SLC9A3: variants seen among roughly 807,000 people sequenced by gnomAD.
The protein encoded by SLC9A3 is solute carrier family 9 member A3, also known as sodium/hydrogen exchanger 3.
Under a neutral mutation model 86.8 loss-of-function variants are expected in SLC9A3, and 37 were observed. The ratio of observed to expected loss-of-function variants is 0.43; its 90% CI spans 0.33 to 0.56. The LOEUF (loss-of-function observed/expected upper bound fraction) is 0.56, where lower values mean the gene tolerates loss of function less well. Among genes scored for constraint, SLC9A3 ranks in the 20% least tolerant of loss-of-function variants. SLC9A3 has a pLI of 0.06. For synonymous variants in SLC9A3, 581 were observed against 528.3 expected (o/e 1.10, Z -1.37); for missense variants, 1,011 against 1,171.9 (o/e 0.86, Z 2.00).
chr5:498,005 G>C (rs1020960758), intron 1 of SLC9A3, among the ~76,000 whole-genome samples: 1 of 152,218 alleles, frequency 6.6e-6, no homozygotes, highest in African/African-American at 2.4e-5. Flanking sequence ...CACGGATGCC[G>C]GCCTCCTGCC....
At chr5:513,631 C>T (rs1030975582) in intron 1 of SLC9A3, among the ~76,000 whole-genome samples, 1 of 152,194 alleles carries the variant, frequency 6.6e-6, no homozygotes, top group African/African-American at 2.4e-5. Flanking sequence ...GAGACGGCCA[C>T]GTCTGACTTC....
rs1417703724 is a variant in SLC9A3, at chr5:472,058, C to T, written c.*1321G>A. 6.6e-6 allele frequency: 3 copies of T among 453,212 alleles called. No individual in the cohort carries two copies. The highest frequency in any genetic ancestry group is 6.9e-5 in the East Asian group (1 of 14,502). The allele number at this position is 453,212 out of a possible 1,614,324, so 28.1% of individuals were successfully genotyped here. A position where few individuals can be genotyped will look rare whatever the true frequency, so the allele number is the denominator to read the frequency against. On this transcript the variant is annotated 3_prime_UTR_variant, in exon 17 of 17. Transcript: ENST00000264938. ...GAGTGTCCACCTCCACCACTTCCACCGTGCAGGCAGGTTTCAGGTGGGTTG... is the reference window on the plus strand; with the variant it reads ...GAGTGTCCACCTCCACCACTTCCACTGTGCAGGCAGGTTTCAGGTGGGTTG...
chr5:509,930 C>T (rs1300508985), intron 1 of SLC9A3, among the ~76,000 whole-genome samples: 1 of 152,238 alleles, frequency 6.6e-6, no homozygotes, highest in Non-Finnish European at 1.5e-5. Flanking sequence ...CGGCGTTGTC[C>T]CTCCTGCAGT....
chr5:508,053 C>G (rs1036593310), intron 1 of SLC9A3, among the ~76,000 whole-genome samples: 1 of 152,238 alleles, frequency 6.6e-6, no homozygotes, highest in African/African-American at 2.4e-5. Flanking sequence ...GGCTCCAGTT[C>G]CCATTCGGCT....
rs1739241706 is a variant in SLC9A3 at position 482,302 on chromosome 5, C to G, written c.1357-145G>C. On this transcript the variant is annotated intron_variant, in intron 7 of 16. Coordinates refer to ENST00000264938, the MANE Select transcript of SLC9A3 (RefSeq NM_004174.4). ...GGGCACCCAGCAACCCGCGCCCCTG[C>G]TTTGCAGAGGAGGAAGCAGCACCCG... The G allele has an allele frequency of 4.3e-6, 3 of 703,920 alleles. No homozygotes were observed. In the South Asian group the frequency reaches 5.4e-5, roughly 13 times the overall value. The allele number at this position is 703,920 out of a possible 1,614,324, so 43.6% of individuals were successfully genotyped here.
chr5:477,979 G>C (rs1738867185), intron 10 of SLC9A3: 1 of 153,246 alleles, frequency 6.5e-6, no homozygotes, highest in East Asian at 1.9e-4. Context: ...GCATGAGGTT[G>C]TGCAGGAGCA....
At chr5:519,034 T>C (rs978475541) in intron 1 of SLC9A3, among the ~76,000 whole-genome samples, 2 of 152,178 alleles carry the variant, frequency 1.3e-5, no homozygotes, top group Non-Finnish European at 2.9e-5. Flanking sequence ...TGGATTGTTT[T>C]ATAGCCTACA....
At chr5:486,185 C>A (rs931906606) in intron 3 of SLC9A3, among the ~76,000 whole-genome samples, 1 of 41,570 alleles carries the variant, frequency 2.4e-5, no homozygotes, top group Non-Finnish European at 7.3e-5. Context: ...GCTGACCCCA[C>A]CCTTCCCTCC....
chr5:507,961 C>T (rs557788553), intron 1 of SLC9A3, among the ~76,000 whole-genome samples: 65 of 146,414 alleles, frequency 4.4e-4, no homozygotes, highest in African/African-American at 1.6e-3. Context: ...CGCCCGAATC[C>T]CCACCCCACA....
chr5:489,447 G>A (rs550835229), intron 2 of SLC9A3, among the ~76,000 whole-genome samples: 25 of 152,292 alleles, frequency 1.6e-4, no homozygotes, highest in Middle Eastern at 3.4e-3. Context: ...GGAGCCGGAC[G>A]GGCCCCAGGA....
Position 476,242 on chromosome 5 carries a change from T to G in SLC9A3, c.2027A>C (p.Lys676Thr), listed in dbSNP as rs749761483. The G allele has an allele frequency of 5.0e-6, 8 of 1,613,754 alleles. No homozygotes were observed. Among genetic ancestry groups the G allele is most frequent in the Non-Finnish European group, 6.8e-6 (8 of 1,179,968 alleles). ...CTCCCGCTTGTACAGCTTGGCCGCCTTCTTGTTCTGGTTGAGCCCCAGCTT... is the reference window on the plus strand; with the variant it reads ...CTCCCGCTTGTACAGCTTGGCCGCCGTCTTGTTCTGGTTGAGCCCCAGCTT... Reference protein sequence around the residue: ...STKLGLNQNKKAAKLYKRERA... With the variant: ...STKLGLNQNKTAAKLYKRERA... Residue 676 changes from lysine (K) to threonine (T), a missense_variant, in exon 13 of 17, where the codon AAG (lysine) becomes ACG (threonine). By Grantham distance (78) the Lys-to-Thr change is moderately conservative. Coordinates refer to ENST00000264938, the MANE Select transcript of SLC9A3 (RefSeq NM_004174.4).
chr5:492,927 C>T (rs1193991605), intron 1 of SLC9A3, among the ~76,000 whole-genome samples: 1 of 152,156 alleles, frequency 6.6e-6, no homozygotes, highest in African/African-American at 2.4e-5. Flanking sequence ...TCTCTGGGTC[C>T]CGCCACTCCA....
Position 492,027 on chromosome 5 carries a change from C to A in SLC9A3, c.256G>T (p.Ala86Ser), listed in dbSNP as rs558720750. The change falls in exon 2 of 17, where the codon GCC becomes TCC. Residue 86 changes from alanine (A) to serine (S), a missense_variant. By Grantham distance (99) the Ala-to-Ser change is moderately conservative (BLOSUM62 1). Transcript: ENST00000264938. Reference protein sequence around the residue: ...HKVTSVVPESALLIVLGLVLG... With the variant: ...HKVTSVVPESSLLIVLGLVLG... Reference sequence around the variant, plus strand: ...ACCAGGCCCAGCACGATGAGCAGGGCGCTCTCGGGAACCACGCTGGTGACC... The same window carrying A: ...ACCAGGCCCAGCACGATGAGCAGGGAGCTCTCGGGAACCACGCTGGTGACC... 1.9e-6 allele frequency: 3 copies of A among 1,567,152 alleles called. No homozygotes were observed. The highest frequency in any genetic ancestry group is 2.8e-5 in the African/African-American group (2 of 71,472).
At position 496,331 on chromosome 5, in the gene SLC9A3, A is replaced by G. The variant is rs879802978; in HGVS notation, c.212-4260T>C. ...CCGTCCCACCTGCCCACGGGGGAGGAGCCGCACCCATCCCCACCGGCCAGG... is the reference window on the plus strand; with the variant it reads ...CCGTCCCACCTGCCCACGGGGGAGGGGCCGCACCCATCCCCACCGGCCAGG... On this transcript the variant is annotated intron_variant, in intron 1 of 16. Transcript: ENST00000264938. This position sits in a 1 kb window ranked among gnomAD's most constrained non-coding sequence, Gnocchi z 4.7. Among the ~76,000 whole-genome samples, 19 of 132,780 alleles carry G rather than the reference A, an allele frequency of 1.4e-4. No individual in the cohort carries two copies. Among genetic ancestry groups the G allele is most frequent in the Non-Finnish European group, 2.7e-4 (16 of 59,550 alleles). 87.1% of individuals were successfully genotyped at this position (132,780 alleles called of 152,430 possible).
chr5:485,713 A>ACCGGCCGAGGGCCGTCCTGGGTGGGC, intron 3 of SLC9A3, among the ~76,000 whole-genome samples: 1 of 152,358 alleles, frequency 6.6e-6, no homozygotes, highest in East Asian at 1.9e-4. Flanking sequence ...CGCAGGTGAG[A>ACCGGCCGAGGGCCGTCCTGGGTGGGC]CCGGCCGAGG....
intron 11 of SLC9A3, 188 bp downstream of exon 11, chr5:477,144 C>T (rs1386146544): frequency 5.4e-6 from 3 of 559,724 alleles, no homozygotes; most frequent in South Asian, 4.9e-5. Flanking sequence ...TTCCATCCAG[C>T]ACTAAGGGAG....
rs1279731403 is a variant in SLC9A3 at position 491,708 on chromosome 5, A to G, written c.514+61T>C. The G allele has an allele frequency of 5.0e-6, 7 of 1,406,530 alleles. No homozygotes were observed. Among genetic ancestry groups the G allele is most frequent in the Non-Finnish European group, 6.7e-6 (7 of 1,051,760 alleles). The allele number at this position is 1,406,530 out of a possible 1,614,324, so 87.1% of individuals were successfully genotyped here. Reference sequence around the variant, plus strand: ...CACCCCGACCTTTCTGAGATGAGGCAGCGCCGCCCCTCCCGGACCCCACCC... The same window carrying G: ...CACCCCGACCTTTCTGAGATGAGGCGGCGCCGCCCCTCCCGGACCCCACCC... On this transcript the variant is annotated intron_variant, in intron 2 of 16. Transcript: ENST00000264938. The surrounding 1 kb of genome is among the most constrained non-coding windows in gnomAD (Gnocchi z 9.2).
chr5:486,059 C>T (rs1049569538), intron 3 of SLC9A3, among the ~76,000 whole-genome samples: 4 of 152,204 alleles, frequency 2.6e-5, no homozygotes, highest in African/African-American at 9.6e-5. Flanking sequence ...GAATATCTTG[C>T]CGTCTGGTGT....
At chr5:488,769 C>T (rs1739585853) in intron 2 of SLC9A3, among the ~76,000 whole-genome samples, 1 of 152,242 alleles carries the variant, frequency 6.6e-6, no homozygotes, top group Admixed American at 6.5e-5. Flanking sequence ...GGTGCAGGGG[C>T]ACCGCATGCT....
Sources: gnomAD v4.1 joint callset for allele counts (sites outside exome capture counted in the v4.1 genomes callset) on GRCh38, gnomAD v4.1.1 for gene constraint, Gnocchi (gnomAD v3.1) non-coding constraint, MANE v1.5 for transcripts, NCBI Gene and HGNC (gene_info 2026-07-23, HGNC 2026-07-21) for gene names.